The following SLC4A10 variants were observed in gnomAD, a reference collection of about 807,000 sequenced individuals.
SLC4A10 encodes solute carrier family 4 member 10.
A neutral mutation model predicts 137.7 loss-of-function variants in SLC4A10; 42 were observed. That is an observed-to-expected ratio of 0.30 (90% CI 0.24 to 0.39). The LOEUF (loss-of-function observed/expected upper bound fraction) is 0.39. Ranked by LOEUF, SLC4A10 falls within the 10% of genes least tolerant of loss-of-function variation. The pLI, the probability that SLC4A10 is intolerant of heterozygous loss-of-function variation, is 1.00. For synonymous variants in SLC4A10, 474 were observed against 464.1 expected, an observed-to-expected ratio of 1.02 and a Z score of -0.27; for missense variants, 925 against 1,355.0, an observed-to-expected ratio of 0.68 and a Z score of 4.98.
chr2:161,866,187 T>A (rs2060735462), intron 6 of SLC4A10, among the ~76,000 whole-genome samples: 1 of 152,016 alleles, frequency 6.6e-6, no homozygotes, highest in Non-Finnish European at 1.5e-5. Flanking sequence ...TTGACTTGTG[T>A]CTTGAGCATG....
chr2:161,881,782 G>C (rs1400745059), intron 9 of SLC4A10, among the ~76,000 whole-genome samples: 1 of 151,952 alleles, frequency 6.6e-6, no homozygotes, highest in Non-Finnish European at 1.5e-5. Flanking sequence ...TTATAGTGCA[G>C]ATGCTATTTT....
intron 1 of SLC4A10, among the ~76,000 whole-genome samples, chr2:161,719,537 A>G (rs996435746): frequency 1.3e-5 from 2 of 152,000 alleles, no homozygotes; most frequent in Non-Finnish European, 2.9e-5. Flanking sequence ...AAGTGTTCCT[A>G]TTTCTCTACA....
At chr2:161,976,937 T>C (rs999180856) in intron 25 of SLC4A10, 61 bp downstream of exon 25, 2 of 871,754 alleles carry the variant, frequency 2.3e-6, no homozygotes, top group Non-Finnish European at 3.5e-6. Context: ...ACATAAACCA[T>C]AAGCAAAAGA....
chr2:161,903,942 C>A, intron 12 of SLC4A10, 62 bp from the exon 13 acceptor site: 2 of 1,471,256 alleles, frequency 1.4e-6, no homozygotes, highest in East Asian at 2.5e-5. Context: ...AGCAAATGAG[C>A]ATTTTGACTT....
intron 1 of SLC4A10, among the ~76,000 whole-genome samples, chr2:161,706,908 G>A (rs1022696545): frequency 7.3e-5 from 11 of 151,530 alleles, no homozygotes. Context: ...AACAAAACAT[G>A]CTTGTTTGAT....
chr2:161,886,872 A>T (rs1442977210), intron 10 of SLC4A10, among the ~76,000 whole-genome samples: 1 of 152,038 alleles, frequency 6.6e-6, no homozygotes, highest in South Asian at 2.1e-4. Context: ...TACACATGCC[A>T]TGGTGGTTTG....
chr2:161,782,605 G>A (rs1404096179), intron 2 of SLC4A10, among the ~76,000 whole-genome samples: 2 of 151,196 alleles, frequency 1.3e-5, no homozygotes, highest in Admixed American at 6.6e-5. Context: ...ATAAGAGAAC[G>A]TTGCATGAAC....
chr2:161,840,543 T>C (rs891039658), intron 4 of SLC4A10, among the ~76,000 whole-genome samples: 1 of 152,242 alleles, frequency 6.6e-6, no homozygotes, highest in Non-Finnish European at 1.5e-5. Flanking sequence ...TCATTCTTTC[T>C]GATTTGCTCA....
At chr2:161,933,293 CTTT>C (rs1484159029) in intron 15 of SLC4A10, among the ~76,000 whole-genome samples, 8 of 133,946 alleles carry the variant, frequency 6.0e-5, no homozygotes, top group African/African-American at 1.9e-4. Flanking sequence ...CTTTCTCTTT[CTTT>C]GTTTCTTTTT....
At chr2:161,953,631 T>C (rs1695178231) in intron 19 of SLC4A10, among the ~76,000 whole-genome samples, 1 of 152,048 alleles carries the variant, frequency 6.6e-6, no homozygotes, top group Non-Finnish European at 1.5e-5. Context: ...GTTTTTATCA[T>C]TTCATGAGTG....
chr2:161,876,345 C>T (rs1444998151), intron 8 of SLC4A10, among the ~76,000 whole-genome samples: 1 of 152,108 alleles, frequency 6.6e-6, no homozygotes, highest in African/African-American at 2.4e-5. Flanking sequence ...TAAGAGGTCA[C>T]ATTCAGGTCT....
At chr2:161,755,060 A>G (rs1181408389) in intron 1 of SLC4A10, among the ~76,000 whole-genome samples, 2 of 152,320 alleles carry the variant, frequency 1.3e-5, no homozygotes, top group East Asian at 3.9e-4. Flanking sequence ...TTCATTAGAT[A>G]TGAAAAATAT....
chr2:161,720,471 A>G (rs953384235), intron 1 of SLC4A10, among the ~76,000 whole-genome samples: 7 of 152,172 alleles, frequency 4.6e-5, no homozygotes, highest in East Asian at 3.8e-4. Context: ...CATTGAATCT[A>G]TAAATTACCT....
chr2:161,794,903 C>A (rs529055825), intron 2 of SLC4A10, among the ~76,000 whole-genome samples: 3 of 151,922 alleles, frequency 2.0e-5, no homozygotes, highest in South Asian at 4.2e-4. Flanking sequence ...TCTAGCATAC[C>A]ACTGCTGCCA....
intron 15 of SLC4A10, among the ~76,000 whole-genome samples, chr2:161,911,457 G>A (rs1201575930): frequency 6.6e-6 from 1 of 151,952 alleles, no homozygotes; most frequent in East Asian, 1.9e-4. Context: ...AGATGAAACA[G>A]AGTAATCATA....
chr2:161,953,046 T>C (rs2105837332), intron 19 of SLC4A10, among the ~76,000 whole-genome samples: 1 of 152,286 alleles, frequency 6.6e-6, no homozygotes, highest in East Asian at 1.9e-4. Context: ...TTTTACTAAT[T>C]TTCTTTTCTC....
rs1051861759 is a variant in SLC4A10 at position 161,926,982 on chromosome 2, GC to G, written c.1998-15807del. Among the ~76,000 whole-genome samples the G allele has an allele frequency of 4.5e-4, 68 of 152,156 alleles. 1 individual carries two copies. The highest frequency in any genetic ancestry group is 1.5e-3 in the African/African-American group (63 of 41,520). On this transcript the variant is annotated intron_variant, in intron 15 of 26. Transcript: ENST00000446997. ...GGTAACCCAACCTTTCTCTCTGGCT[GC>G]CCTTAACATTTTTTCCTTCATTTCA...
intron 3 of SLC4A10, among the ~76,000 whole-genome samples, chr2:161,830,116 C>G (rs2058332942): frequency 6.6e-6 from 1 of 150,378 alleles, no homozygotes; most frequent in Admixed American, 6.6e-5. Context: ...GCTAAGTGCT[C>G]TGCACATTTC....
chr2:161,796,336 C>T (rs537704116), intron 2 of SLC4A10, among the ~76,000 whole-genome samples: 6 of 152,238 alleles, frequency 3.9e-5, no homozygotes, highest in African/African-American at 1.2e-4. Context: ...AGCTGGCGCC[C>T]GCTTCTACAA....
Sources: gnomAD v4.1 joint callset for allele counts (sites outside exome capture counted in the v4.1 genomes callset) on GRCh38, gnomAD v4.1.1 for gene constraint, MANE v1.5 for transcripts, NCBI Gene and HGNC (gene_info 2026-07-23, HGNC 2026-07-21) for gene names.